The following TUBGCP5 variants were observed in gnomAD, a reference collection of about 807,000 sequenced individuals.
The protein encoded by TUBGCP5 is gamma-tubulin complex component 5.
In TUBGCP5, 98 loss-of-function variants were observed where a neutral mutation model predicts 134.7. The observed-to-expected ratio is 0.73, with a 90% CI of 0.62 to 0.86. The LOEUF is 0.86. TUBGCP5 is among the 40% of genes least tolerant of loss of function. TUBGCP5 has a pLI of 0.00. For synonymous variants in TUBGCP5, 456 were observed against 431.4 expected (o/e 1.06, Z -0.71); for missense variants, 1,150 against 1,244.8 (o/e 0.92, Z 1.15).
rs189269500 is a variant in TUBGCP5 at position 23,019,061 on chromosome 15, G to A, written c.1487+158C>T. Among the ~76,000 whole-genome samples, 23 of 152,326 alleles carry A rather than the reference G, an allele frequency of 1.5e-4. No individual in the cohort carries two copies. The East Asian group carries it at 4.2e-3, about 28-fold the overall frequency. On this transcript the variant is annotated intron_variant, in intron 12 of 22. Transcript: ENST00000615383. Reference sequence around the variant, plus strand: ...TCAGCTGGTATTACTGATGCCTTCCGTAAAAATGAGATAGAACTTGCCTAT... The same window carrying A: ...TCAGCTGGTATTACTGATGCCTTCCATAAAAATGAGATAGAACTTGCCTAT...
At chr15:23,016,494 C>A (rs572761882) in intron 13 of TUBGCP5, among the ~76,000 whole-genome samples, 23 of 116,672 alleles carry the variant, frequency 2.0e-4, no homozygotes, top group African/African-American at 3.7e-4. Context: ...AACTCTGTCT[C>A]AGGAAAAAAA....
intron 22 of TUBGCP5, chr15:23,000,327 A>G (rs2064297704): frequency 2.4e-6 from 3 of 1,274,584 alleles, no homozygotes; most frequent in Non-Finnish European, 3.0e-6. Context: ...TTTATTTAAT[A>G]GGAGTTTTAG....
chr15:23,032,969 A>T, intron 3 of TUBGCP5, 145 bp from the exon 4 acceptor site: 1 of 502,386 alleles, frequency 2.0e-6, no homozygotes, highest in East Asian at 3.3e-5. Context: ...ATAATCCTTA[A>T]CCTTCAAACT....
At chr15:23,028,064 T>A (rs2066084792) in intron 6 of TUBGCP5, among the ~76,000 whole-genome samples, 1 of 151,858 alleles carries the variant, frequency 6.6e-6, no homozygotes, top group Non-Finnish European at 1.5e-5. Flanking sequence ...CAGTGATGCT[T>A]TAAACTAGAC....
chr15:23,023,850 G>T, intron 10 of TUBGCP5, 97 bp downstream of exon 10: 2 of 1,231,738 alleles, frequency 1.6e-6, no homozygotes, highest in South Asian at 1.7e-5. Context: ...CTACTTATCT[G>T]CTAGGCAACT....
At chr15:23,001,543 A>G (rs1226278949) in intron 21 of TUBGCP5, among the ~76,000 whole-genome samples, 1 of 151,704 alleles carries the variant, frequency 6.6e-6, no homozygotes, top group Non-Finnish European at 1.5e-5. Context: ...GAGTTTCTCC[A>G]TGTTGGTCAG....
At position 23,039,350 on chromosome 15, in the gene TUBGCP5, G is replaced by C; in HGVS notation, c.146+48C>G. ...CCCGGGCTGTGCGGGACCCACGCGC[G>C]GGCTCCGGGCTGTGGCCGGGAACCC... On this transcript the variant is annotated intron_variant, in intron 1 of 22. Coordinates refer to ENST00000615383, the MANE Select transcript of TUBGCP5 (RefSeq NM_052903.6). 2.3e-6 allele frequency: 3 copies of C among 1,314,460 alleles called. No individual in the cohort carries two copies. The East Asian group carries it at 9.3e-5, about 41-fold the overall frequency. The allele number at this position is 1,314,460 out of a possible 1,614,324, so 81.4% of individuals were successfully genotyped here.
At chr15:23,001,961 G>A (rs886992099) in intron 21 of TUBGCP5, among the ~76,000 whole-genome samples, 3 of 151,590 alleles carry the variant, frequency 2.0e-5, no homozygotes, top group East Asian at 1.9e-4. Flanking sequence ...TTCACTTTTC[G>A]GCTTTAAGTC....
At chr15:23,031,534 T>C (rs2066313828) in intron 5 of TUBGCP5, among the ~76,000 whole-genome samples, 1 of 152,156 alleles carries the variant, frequency 6.6e-6, no homozygotes, top group South Asian at 2.1e-4. Context: ...CAGGCTGCTC[T>C]CGAACTCCTC....
chr15:23,034,854 A>G (rs557943468), intron 3 of TUBGCP5, among the ~76,000 whole-genome samples: 1 of 150,434 alleles, frequency 6.6e-6, no homozygotes, highest in Non-Finnish European at 1.5e-5. Context: ...ACAAACAAAA[A>G]GACATTGAAA....
intron 3 of TUBGCP5, among the ~76,000 whole-genome samples, chr15:23,035,785 G>T (rs2066555775): frequency 6.6e-6 from 1 of 152,112 alleles, no homozygotes; most frequent in Non-Finnish European, 1.5e-5. Flanking sequence ...AAGTGGGTGG[G>T]GGCTGTGGAC....
downstream of TUBGCP5, among the ~76,000 whole-genome samples, chr15:22,995,794 C>G (rs573168358): frequency 6.6e-6 from 1 of 151,984 alleles, no homozygotes; most frequent in Non-Finnish European, 1.5e-5. Flanking sequence ...TTTCAGGTAA[C>G]ATGTCATGGC....
At chr15:23,039,123 G>GGC (rs1218695008) in intron 1 of TUBGCP5, among the ~76,000 whole-genome samples, 2 of 152,164 alleles carry the variant, frequency 1.3e-5, no homozygotes, top group South Asian at 4.1e-4. Context: ...TGGGGTTGCA[G>GGC]GCGCGCGCGC....
At chr15:22,997,612 TTTTC>T (rs2064152114), downstream of TUBGCP5, among the ~76,000 whole-genome samples, 1 of 152,010 alleles carries the variant, frequency 6.6e-6, no homozygotes, top group Middle Eastern at 3.4e-3. Context: ...TTCATATTTT[TTTTC>T]TTTTTCTTAT....
intron 11 of TUBGCP5, among the ~76,000 whole-genome samples, chr15:23,021,460 G>A (rs889021312): frequency 1.3e-5 from 2 of 152,118 alleles, no homozygotes; most frequent in Admixed American, 1.3e-4. Flanking sequence ...GGGATTACAG[G>A]CACGAGCCAC....
chr15:23,024,116 T>C lies in TUBGCP5; in HGVS notation c.999A>G (p.Glu333=). 6.2e-7 allele frequency: 1 copy of C among 1,614,168 alleles called. No individual in the cohort carries two copies. Among genetic ancestry groups the C allele is most frequent in the Non-Finnish European group, 8.5e-7 (1 of 1,180,014 alleles). The change falls in exon 10 of 23, where the codon GAA becomes GAG. Residue 333 remains glutamate, a synonymous_variant. Coordinates refer to ENST00000615383, the MANE Select transcript of TUBGCP5 (RefSeq NM_052903.6). The part of the protein sequence containing the change: ...VVFRLQEFID[E]VMGHSSESML... ...TGCTCTCAGAACTGTGTCCCATGAC[T>C]TCATCAATGAACTCCTGGAGTCGAA...
Position 23,011,193 on chromosome 15 carries a change from G to A in TUBGCP5, c.1895C>T (p.Ala632Val). The A allele has an allele frequency of 6.2e-7, 1 of 1,613,950 alleles. No individual in the cohort carries two copies. The highest frequency in any genetic ancestry group is 2.2e-5 in the East Asian group (1 of 44,864). Residue 632 changes from alanine to valine, a missense_variant, in exon 14 of 23, where the codon GCT becomes GTT. By Grantham distance (64) the Ala-to-Val change is moderately conservative. Around this residue, in one of 2 missense-constraint regions of TUBGCP5, gnomAD observed 697 missense variants for 850.1 expected, o/e 0.82. Transcript: ENST00000615383. ...KENLMKMQSIAESHLELDDVH... is the reference protein window; with the variant it reads ...KENLMKMQSIVESHLELDDVH... ...ATCATCCAGTTCAAGATGGCTTTCA[G>A]CAATGGACTGCATCTTCATCAGGTT...
chr15:23,019,412 A>G, intron 11 of TUBGCP5, 78 bp from the exon 12 acceptor site: 1 of 883,072 alleles, frequency 1.1e-6, no homozygotes, highest in South Asian at 1.5e-5. Context: ...ACATTTCTGA[A>G]ATGCCTTTAA....
rs185199914 is a variant in TUBGCP5 at position 23,013,218 on chromosome 15, C to T, written c.1757-1887G>A. On this transcript the variant is annotated intron_variant, in intron 13 of 22. Coordinates refer to ENST00000615383, the MANE Select transcript of TUBGCP5 (RefSeq NM_052903.6). This position sits in a 1 kb window ranked among gnomAD's most constrained non-coding sequence, Gnocchi z 4.5. ...CTGTAATCCCAACACTTCAGGAGGC[C>T]GAGGCGGGCGGATCATGAGGTCAGG... Among the ~76,000 whole-genome samples the T allele has an allele frequency of 1.8e-3, 277 of 151,500 alleles. 2 individuals are homozygous for T. The highest frequency in any genetic ancestry group is 1.5e-3 in the Non-Finnish European group (105 of 67,858).
Sources: gnomAD v4.1 joint callset for allele counts (sites outside exome capture counted in the v4.1 genomes callset) on GRCh38, gnomAD v4.1.1 for gene constraint, gnomAD v4.1.1 regional missense constraint, Gnocchi (gnomAD v3.1) non-coding constraint, MANE v1.5 for transcripts, NCBI Gene and HGNC (gene_info 2026-07-23, HGNC 2026-07-21) for gene names.